The following USP49 variants were observed in gnomAD, a reference collection of about 807,000 sequenced individuals.
USP49 encodes the protein ubiquitin carboxyl-terminal hydrolase 49.
Under a neutral mutation model 58.6 loss-of-function variants are expected in USP49, and 24 were observed. The observed-to-expected ratio is 0.41, with a 90% CI of 0.30 to 0.58. The LOEUF is 0.58. Ranked by LOEUF, USP49 falls within the 20% of genes least tolerant of loss-of-function variation. The pLI, the probability that USP49 is intolerant of heterozygous loss-of-function variation, is 0.30. For synonymous variants in USP49, 408 were observed against 365.1 expected (o/e 1.12, Z -1.34); for missense variants, 703 against 866.1 (o/e 0.81, Z 2.36).
In USP49 at chr6:41,855,382, G is replaced by A. The variant is rs549218584; in HGVS notation, c.-29+16182C>T. ...ATACAAAAATTAGCCAGGAGCGGTG[G>A]TGCACACCTGTAATCCCAGCTACCT... On this transcript the variant is annotated intron_variant, in intron 3 of 7. Coordinates refer to ENST00000682992, the MANE Select transcript of USP49 (RefSeq NM_001286554.2). Among the ~76,000 whole-genome samples, 41 of 151,790 alleles carry A rather than the reference G, an allele frequency of 2.7e-4. No individual in the cohort carries two copies. In the South Asian group the frequency reaches 8.3e-3, roughly 31 times the overall value.
chr6:41,817,237 T>C (rs1773370687), intron 3 of USP49, among the ~76,000 whole-genome samples: 1 of 131,144 alleles, frequency 7.6e-6, no homozygotes, highest in Non-Finnish European at 1.6e-5. Flanking sequence ...AACCTCCGCC[T>C]CCCGGGTTCA....
chr6:41,852,037 T>C (rs2127350776), intron 3 of USP49, among the ~76,000 whole-genome samples: 1 of 151,252 alleles, frequency 6.6e-6, no homozygotes, highest in Non-Finnish European at 1.5e-5. Context: ...TAGAAAATCC[T>C]GGGCCGGGCA....
Position 41,806,422 on chromosome 6 carries a change from G to A in USP49, c.562C>T (p.Arg188Trp), listed in dbSNP as rs1581993326. The A allele has an allele frequency of 5.1e-6, 8 of 1,575,876 alleles. No individual in the cohort carries two copies. Among genetic ancestry groups the A allele is most frequent in the Non-Finnish European group, 6.8e-6 (8 of 1,169,576 alleles). ...AGCCGCCGTTTCACCTCGCGCCGCC[G>A]CCTCCGCGCCTCCTCCTTCTTGCGC... Reference protein sequence around the residue: ...LERKKEEARRRRREVKRRLLE... With the variant: ...LERKKEEARRWRREVKRRLLE... The change falls in exon 4 of 8, where the codon CGG (arginine) becomes TGG (tryptophan). Residue 188 changes from arginine (R) to tryptophan (W), a missense_variant. Around this residue, in one of 6 missense-constraint regions of USP49, gnomAD observed 376 missense variants for 373.5 expected, o/e 1.01. Transcript: ENST00000682992. This position sits in a 1 kb window ranked among gnomAD's most constrained non-coding sequence, Gnocchi z 5.9.
intron 5 of USP49, among the ~76,000 whole-genome samples, chr6:41,802,452 A>ATTTTTTTTTTTTTTTTTT (rs1561902624): frequency 4.7e-5 from 3 of 63,832 alleles, no homozygotes; most frequent in African/African-American, 7.3e-5. Context: ...TTATTTATTT[A>ATTTTTTTTTTTTTTTTTT]TTTATTTATT....
chr6:41,798,834 G>A lies in USP49; in HGVS notation c.1766C>T (p.Ser589Phe). The A allele has an allele frequency of 6.2e-7, 1 of 1,613,930 alleles. No individual in the cohort carries two copies. The highest frequency in any genetic ancestry group is 8.5e-7 in the Non-Finnish European group (1 of 1,179,992). The change falls in exon 7 of 8, where the codon TCC becomes TTC. Residue 589 changes from serine (S) to phenylalanine (F), a missense_variant. Coordinates refer to ENST00000682992, the MANE Select transcript of USP49 (RefSeq NM_001286554.2). ...MEPYCCRDML[S>F]SLDKETFAYD... ...GGCAAAGGTCTCTTTGTCAAGAGAG[G>A]AGAGCATGTCCCTGCAGCAGTAAGG...
At chr6:41,871,429 G>T (rs773870730) in intron 3 of USP49, 135 bp downstream of exon 3, 9 of 152,156 alleles carry the variant, frequency 5.9e-5, no homozygotes, top group African/African-American at 1.4e-4. Context: ...AGCAAGCGGT[G>T]AAAGTTCAGA....
intron 3 of USP49, among the ~76,000 whole-genome samples, chr6:41,809,008 G>T (rs1467655121): frequency 2.6e-5 from 4 of 151,122 alleles, no homozygotes; most frequent in African/African-American, 9.7e-5. Context: ...CCACTTCCTG[G>T]GTTCAAGTGA....
rs543904131 is a variant in USP49 at position 41,797,020 on chromosome 6, G to C, written c.1877-297C>G. Among the ~76,000 whole-genome samples the C allele has an allele frequency of 7.4e-5, 11 of 148,372 alleles. No homozygotes were observed. The East Asian group carries it at 2.2e-3, about 30-fold the overall frequency. ...GCTGGAGTGCAGTGGTGGGTTCTCG[G>C]CTCACTGCAAGCTCCACCTCCCAGG... On this transcript the variant is annotated intron_variant, in intron 7 of 7. Coordinates refer to ENST00000682992, the MANE Select transcript of USP49 (RefSeq NM_001286554.2).
At chr6:41,832,642 C>T (rs1477208015) in intron 3 of USP49, among the ~76,000 whole-genome samples, 2 of 152,022 alleles carry the variant, frequency 1.3e-5, no homozygotes, top group Non-Finnish European at 1.5e-5. Flanking sequence ...AGGATACCAG[C>T]GTCCATGAAA....
At chr6:41,824,362 T>C (rs1773501458) in intron 3 of USP49, among the ~76,000 whole-genome samples, 1 of 151,950 alleles carries the variant, frequency 6.6e-6, no homozygotes. Context: ...AAAAATTGTT[T>C]AATAGCAACA....
chr6:41,827,353 G>C (rs747796814), intron 3 of USP49, among the ~76,000 whole-genome samples: 9 of 151,998 alleles, frequency 5.9e-5, no homozygotes, highest in Non-Finnish European at 1.2e-4. Context: ...ATTTATTTAA[G>C]ATTTCTCCAA....
intron 6 of USP49, 121 bp downstream of exon 6, chr6:41,799,709 G>A (rs892205020): frequency 3.9e-5 from 31 of 800,046 alleles, no homozygotes; most frequent in Non-Finnish European, 3.1e-5. Flanking sequence ...TGGAAAACAC[G>A]AGGTCTCAAG....
At chr6:41,797,768 T>C in intron 7 of USP49, 1 of 985,878 alleles carries the variant, frequency 1.0e-6, no homozygotes, top group Non-Finnish European at 1.2e-6. Flanking sequence ...AGAAGTAGCA[T>C]TACCACAAAA....
intron 5 of USP49, among the ~76,000 whole-genome samples, chr6:41,801,345 A>G (rs1772993933): frequency 6.6e-6 from 1 of 152,202 alleles, no homozygotes; most frequent in Non-Finnish European, 1.5e-5. Flanking sequence ...TGTACTACTC[A>G]TGAAAGGTAG....
chr6:41,857,516 C>CA (rs775770579), intron 3 of USP49, among the ~76,000 whole-genome samples: 38 of 152,150 alleles, frequency 2.5e-4, no homozygotes, highest in Non-Finnish European at 4.0e-4. Flanking sequence ...CATAGTGGTG[C>CA]ATGCTTGTAG....
intron 3 of USP49, among the ~76,000 whole-genome samples, chr6:41,844,374 G>A (rs995724947): frequency 1.3e-5 from 2 of 151,596 alleles, no homozygotes; most frequent in African/African-American, 4.8e-5. Flanking sequence ...GCTGGAGTGA[G>A]GGGCACCATC....
chr6:41,840,154 C>T (rs1030896453), intron 3 of USP49, among the ~76,000 whole-genome samples: 2 of 151,440 alleles, frequency 1.3e-5, no homozygotes, highest in East Asian at 1.9e-4. Context: ...GTGGGCGGAT[C>T]GTGAGGTCAG....
intron 2 of USP49, among the ~76,000 whole-genome samples, chr6:41,887,817 C>G (rs945303933): frequency 5.3e-5 from 8 of 152,080 alleles, no homozygotes; most frequent in African/African-American, 1.9e-4. Flanking sequence ...ATACTTGTCA[C>G]AGAATGCTGT....
At chr6:41,816,148 GT>G (rs376392664) in intron 3 of USP49, among the ~76,000 whole-genome samples, 168 of 152,222 alleles carry the variant, frequency 1.1e-3, no homozygotes, top group Admixed American at 8.2e-3. Context: ...AGTGTCTTCT[GT>G]CTAAAAAGAG....
Sources: allele counts gnomAD v4.1 joint callset (sites outside exome capture counted in the v4.1 genomes callset), GRCh38; gene constraint gnomAD v4.1.1; regional missense constraint gnomAD v4.1.1; non-coding constraint Gnocchi (gnomAD v3.1); transcripts MANE v1.5; gene names NCBI Gene and HGNC (gene_info 2026-07-23, HGNC 2026-07-21).